The following ANGPT4 variants were observed in gnomAD, a reference collection of about 807,000 sequenced individuals.
ANGPT4 encodes angiopoietin 4, also known as angiopoietin-4.
Under a neutral mutation model 53.0 loss-of-function variants are expected in ANGPT4, and 50 were observed. The observed-to-expected ratio is 0.94, with a 90% CI of 0.75 to 1.20. The LOEUF is 1.20. Ranked by LOEUF, ANGPT4 falls within the 50% of genes most tolerant of loss-of-function variation. The probability of loss-of-function intolerance (pLI) is 0.00; values close to 1 mark genes in which losing one functional copy is unlikely to be tolerated. For missense variants in ANGPT4, 648 were observed against 637.1 expected (o/e 1.02, Z -0.18); for synonymous variants, 251 against 259.7 (o/e 0.97, Z 0.32).
At chr20:904,769 G>A (rs907851647) in intron 1 of ANGPT4, among the ~76,000 whole-genome samples, 1 of 152,264 alleles carries the variant, frequency 6.6e-6, no homozygotes, top group South Asian at 2.1e-4. Context: ...TGGGACTATA[G>A]GCATGTGCCA....
At position 873,447 on chromosome 20, in the gene ANGPT4, C is replaced by T. The variant is rs115265522; in HGVS notation, c.1352-327G>A. ...TTCCAGCTCCCCAACCTCCCCTCAT[C>T]GCTCTGCTCACTGCTTTCTAGTGGT... On this transcript the variant is annotated intron_variant, in intron 8 of 8. Coordinates refer to ENST00000381922, the MANE Select transcript of ANGPT4 (RefSeq NM_015985.4). Among the ~76,000 whole-genome samples, 110 of 148,938 alleles carry T rather than the reference C, an allele frequency of 7.4e-4. 2 individuals carry two copies. The East Asian group carries it at 0.017, about 23-fold the overall frequency.
chr20:912,412 TAGCCACTG>T, intron 1 of ANGPT4, among the ~76,000 whole-genome samples: 1 of 152,320 alleles, frequency 6.6e-6, no homozygotes, highest in East Asian at 1.9e-4. Flanking sequence ...GTCATGTGAC[TAGCCACTG>T]AGCTGCCCAG....
At position 914,216 on chromosome 20, in the gene ANGPT4, A is replaced by G. The variant is rs908411566; in HGVS notation, c.309+1690T>C. 6.6e-6 allele frequency among the ~76,000 whole-genome samples: 1 copy of G among 152,152 alleles called. No homozygotes were observed. Among genetic ancestry groups the G allele is most frequent in the Non-Finnish European group, 1.5e-5 (1 of 68,022 alleles). The stretch of plus-strand genomic sequence containing the variant: ...GCGCCTGCCCTCTGGGAGCTCACAC[A>G]CCAAAAGAAATGTTTTTAAGAACAT... On this transcript the variant is annotated intron_variant, in intron 1 of 8. Transcript: ENST00000381922. This position sits in a 1 kb window ranked among gnomAD's most constrained non-coding sequence, Gnocchi z 5.0.
intron 7 of ANGPT4, among the ~76,000 whole-genome samples, chr20:876,599 A>G (rs1030540401): frequency 7.9e-5 from 12 of 152,202 alleles, no homozygotes; most frequent in African/African-American, 2.9e-4. Context: ...TTTTTGAGGT[A>G]GGTATGCCTA....
In ANGPT4 at chr20:914,923, G is replaced by T. The variant is rs1195337969; in HGVS notation, c.309+983C>A. 6.6e-6 allele frequency among the ~76,000 whole-genome samples: 1 copy of T among 152,162 alleles called. No homozygotes were observed. The highest frequency in any genetic ancestry group is 2.1e-4 in the South Asian group (1 of 4,830). The stretch of plus-strand genomic sequence containing the variant: ...GCCCTGGTCTTGGGCCAAAACCACA[G>T]TGGCATCCTCAGCTCCTTGCTTCCT... On this transcript the variant is annotated intron_variant, in intron 1 of 8. Transcript: ENST00000381922. This position sits in a 1 kb window ranked among gnomAD's most constrained non-coding sequence, Gnocchi z 5.0.
rs529824234 is a variant in ANGPT4, at chr20:911,685, C to G, written c.309+4221G>C. Among the ~76,000 whole-genome samples the G allele has an allele frequency of 6.6e-6, 1 of 152,048 alleles. No individual in the cohort carries two copies. The highest frequency in any genetic ancestry group is 1.5e-5 in the Non-Finnish European group (1 of 68,008). On this transcript the variant is annotated intron_variant, in intron 1 of 8. Coordinates refer to ENST00000381922, the MANE Select transcript of ANGPT4 (RefSeq NM_015985.4). This position sits in a 1 kb window ranked among gnomAD's most constrained non-coding sequence, Gnocchi z 4.9. ...TAGAGACAGGCTGACCACAGTGGCT[C>G]GTGTCCGCCGTCCCAGCTACTTGGA...
chr20:915,231 C>CG (rs992509693), intron 1 of ANGPT4, among the ~76,000 whole-genome samples: 6 of 151,988 alleles, frequency 3.9e-5, no homozygotes, highest in African/African-American at 1.2e-4. Flanking sequence ...GTGGCCCCCC[C>CG]CCCAGCTGCA....
In ANGPT4 at chr20:888,432, T is replaced by C; in HGVS notation, c.473A>G (p.Asn158Ser). Residue 158 changes from asparagine to serine, a missense_variant, in exon 3 of 9, where the codon AAC becomes AGC. Coordinates refer to ENST00000381922, the MANE Select transcript of ANGPT4 (RefSeq NM_015985.4). ...CTGGGCATCCATTCTTGATGTCTGGTTCAGGAGCTGCCCCAGCAAGCAGAA... is the reference window on the plus strand; with the variant it reads ...CTGGGCATCCATTCTTGATGTCTGGCTCAGGAGCTGCCCCAGCAAGCAGAA... ...KLTDMEAQLLNQTSRMDAQMP... is the reference protein window; with the variant it reads ...KLTDMEAQLLSQTSRMDAQMP... The C allele has an allele frequency of 6.2e-7, 1 of 1,612,168 alleles. No homozygotes were observed. The highest frequency in any genetic ancestry group is 8.5e-7 in the Non-Finnish European group (1 of 1,179,650).
At chr20:893,616 G>T (rs1981931299) in intron 1 of ANGPT4, among the ~76,000 whole-genome samples, 1 of 152,078 alleles carries the variant, frequency 6.6e-6, no homozygotes, top group African/African-American at 2.4e-5. Flanking sequence ...CTTCTCCCCT[G>T]CATGTCCCCA....
Position 885,180 on chromosome 20 carries a change from T to C in ANGPT4, c.733A>G (p.Arg245Gly), listed in dbSNP as rs1568833051. The C allele has an allele frequency of 2.5e-6, 4 of 1,605,774 alleles. No homozygotes were observed. The highest frequency in any genetic ancestry group is 2.2e-5 in the East Asian group (1 of 44,546). The change falls in exon 4 of 9, where the codon AGG (arginine) becomes GGG (glycine). Residue 245 changes from arginine (R) to glycine (G), a missense_variant. Coordinates refer to ENST00000381922, the MANE Select transcript of ANGPT4 (RefSeq NM_015985.4). ...TCCTGCAGGAGGCTGGAGTTGTGCC[T>C]GACACCGCGCAGGCCGCGCTCGATG... is the stretch of plus-strand genomic sequence containing the variant. ...TNIERGLRGV[R>G]HNSSLLQDQQ...
chr20:892,761 C>T (rs1182064207), intron 1 of ANGPT4, among the ~76,000 whole-genome samples: 1 of 152,152 alleles, frequency 6.6e-6, no homozygotes, highest in Non-Finnish European at 1.5e-5. Context: ...CAGCCTGAAA[C>T]TACTGGCTTC....
chr20:915,714 A>G (rs1236186220), intron 1 of ANGPT4, among the ~76,000 whole-genome samples, 192 bp downstream of exon 1: 1 of 152,122 alleles, frequency 6.6e-6, no homozygotes, highest in Non-Finnish European at 1.5e-5. Context: ...GACGGCAGTT[A>G]AAGAGCCAGG....
chr20:887,059 G>C (rs1251004463), intron 3 of ANGPT4, among the ~76,000 whole-genome samples: 1 of 152,200 alleles, frequency 6.6e-6, no homozygotes, highest in Non-Finnish European at 1.5e-5. Flanking sequence ...TAGGAACAGT[G>C]GCTACCTCTG....
chr20:896,371 G>A (rs1480148645), intron 1 of ANGPT4, among the ~76,000 whole-genome samples: 1 of 152,190 alleles, frequency 6.6e-6, no homozygotes, highest in Non-Finnish European at 1.5e-5. Context: ...GGCAAGTTTA[G>A]CCAGTATGAT....
intron 6 of ANGPT4, among the ~76,000 whole-genome samples, chr20:878,728 C>T (rs1981271455): frequency 1.3e-5 from 2 of 152,174 alleles, no homozygotes; most frequent in African/African-American, 4.8e-5. Context: ...GCTCACTGAG[C>T]CTTACACTTT....
Sources: gnomAD v4.1 joint callset for allele counts (sites outside exome capture counted in the v4.1 genomes callset) on GRCh38, gnomAD v4.1.1 for gene constraint, Gnocchi (gnomAD v3.1) non-coding constraint, MANE v1.5 for transcripts, NCBI Gene and HGNC (gene_info 2026-07-23, HGNC 2026-07-21) for gene names.